Variants in OSBPL10 observed in about 807,000 individuals in gnomAD.
OSBPL10 encodes oxysterol-binding protein-related protein 10.
Under a neutral mutation model 81.7 loss-of-function variants are expected in OSBPL10, and 49 were observed. That is an observed-to-expected ratio of 0.60 (90% CI 0.48 to 0.76). The LOEUF (loss-of-function observed/expected upper bound fraction) is 0.76. Ranked by LOEUF, OSBPL10 falls within the 30% of genes least tolerant of loss-of-function variation. The pLI is 0.00. For synonymous variants in OSBPL10, 419 were observed against 383.6 expected (o/e 1.09, Z -1.08); for missense variants, 923 against 987.8 (o/e 0.93, Z 0.88).
intron 3 of OSBPL10, among the ~76,000 whole-genome samples, chr3:31,831,844 C>T (rs993642734): frequency 6.6e-6 from 1 of 152,172 alleles, no homozygotes; most frequent in Non-Finnish European, 1.5e-5. Context: ...AAACACATCT[C>T]CCCCTGGCTC....
At chr3:31,968,790 T>C (rs1327513688) in intron 1 of OSBPL10, among the ~76,000 whole-genome samples, 1 of 152,148 alleles carries the variant, frequency 6.6e-6, no homozygotes, top group Non-Finnish European at 1.5e-5. Flanking sequence ...ACAACTATAA[T>C]AGTGTTATGA....
intron 4 of OSBPL10, chr3:31,795,088 T>C (rs2124489): frequency 0.61 from 101,289 of 166,566 alleles, 32,730 homozygotes; most frequent in East Asian, 0.78. Flanking sequence ...TGGCCCACCC[T>C]TTCATGAGGG....
At chr3:32,058,930 C>G (rs772900543) in intron 1 of OSBPL10, among the ~76,000 whole-genome samples, 6 of 152,158 alleles carry the variant, frequency 3.9e-5, no homozygotes, top group Non-Finnish European at 8.8e-5. Flanking sequence ...CTCAAGGGAT[C>G]CTCCTGCCTC....
chr3:32,053,893 G>C (rs1309183155), intron 1 of OSBPL10, among the ~76,000 whole-genome samples: 1 of 152,114 alleles, frequency 6.6e-6, no homozygotes, highest in East Asian at 1.9e-4. Context: ...GAACACGGGA[G>C]GCAGACAGAG....
In OSBPL10 at chr3:31,794,289, C is replaced by T. The variant is rs547716976; in HGVS notation, c.729+35751G>A. Among the ~76,000 whole-genome samples, 17 of 152,268 alleles carry T rather than the reference C, an allele frequency of 1.1e-4. No individual in the cohort carries two copies. The South Asian group carries it at 1.5e-3, about 13-fold the overall frequency. On this transcript the variant is annotated intron_variant, in intron 4 of 11. Transcript: ENST00000396556. Reference sequence around the variant, plus strand: ...CTTCCCGAGCAGCTGGGATTACAGGCGCACGCCACCACACCCAGGTAATTT... The same window carrying T: ...CTTCCCGAGCAGCTGGGATTACAGGTGCACGCCACCACACCCAGGTAATTT...
At chr3:31,880,841 T>C (rs1173476444) in intron 1 of OSBPL10, among the ~76,000 whole-genome samples, 5 of 152,262 alleles carry the variant, frequency 3.3e-5, no homozygotes, top group Non-Finnish European at 7.3e-5. Context: ...CATTTGGCTT[T>C]GTTTCAATAT....
At chr3:31,828,485 TC>T (rs1700151741) in intron 4 of OSBPL10, among the ~76,000 whole-genome samples, 1 of 152,186 alleles carries the variant, frequency 6.6e-6, no homozygotes, top group Non-Finnish European at 1.5e-5. Context: ...CTGTGCACAA[TC>T]ATTCATCATA....
At chr3:31,787,849 T>C (rs1382838011) in intron 4 of OSBPL10, among the ~76,000 whole-genome samples, 1 of 152,186 alleles carries the variant, frequency 6.6e-6, no homozygotes, top group African/African-American at 2.4e-5. Context: ...ATGGCATAAA[T>C]ACCCGACAAC....
At chr3:31,720,817 T>C (rs1017560758) in intron 6 of OSBPL10, among the ~76,000 whole-genome samples, 8 of 143,646 alleles carry the variant, frequency 5.6e-5, no homozygotes, top group African/African-American at 8.0e-5. Context: ...TGATAATCAC[T>C]TGAACCTGGA....
chr3:32,026,599 A>T (rs1047957255), intron 2 of OSBPL10, among the ~76,000 whole-genome samples: 1 of 152,216 alleles, frequency 6.6e-6, no homozygotes, highest in Non-Finnish European at 1.5e-5. Context: ...TACCACACAC[A>T]GCAATGGCCG....
intron 1 of OSBPL10, among the ~76,000 whole-genome samples, chr3:32,071,556 C>G (rs1312201837): frequency 6.6e-6 from 1 of 152,212 alleles, no homozygotes; most frequent in African/African-American, 2.4e-5. Flanking sequence ...TTTGTCCAAA[C>G]AACTTGACCT....
intron 1 of OSBPL10, among the ~76,000 whole-genome samples, chr3:31,927,897 C>T (rs1408453276): frequency 2.0e-5 from 3 of 152,182 alleles, no homozygotes; most frequent in Non-Finnish European, 4.4e-5. Context: ...TGGAGCTCTT[C>T]TTCTCCACCC....
rs1697874291 is a variant in OSBPL10 at position 31,755,921 on chromosome 3, C to T, written c.730-7801G>A. 3.3e-5 allele frequency among the ~76,000 whole-genome samples: 5 copies of T among 152,184 alleles called. No homozygotes were observed. In the South Asian group the frequency reaches 1.0e-3, roughly 32 times the overall value. On this transcript the variant is annotated intron_variant, in intron 4 of 11. Coordinates refer to ENST00000396556, the MANE Select transcript of OSBPL10 (RefSeq NM_017784.5). ...AACTGATTCCTTTCTGTCATTTCTT[C>T]ACCTTTGGCTTTTCTACAATCATTG...
intron 4 of OSBPL10, among the ~76,000 whole-genome samples, chr3:31,781,512 G>A (rs1698694778): frequency 1.3e-5 from 2 of 152,164 alleles, no homozygotes; most frequent in South Asian, 4.1e-4. Context: ...TGGTAAAGAG[G>A]AAGTCAAATT....
At position 31,680,418 on chromosome 3, in the gene OSBPL10, G is replaced by C. The variant is rs771788866; in HGVS notation, c.1726+3216C>G. 6.6e-5 allele frequency among the ~76,000 whole-genome samples: 10 copies of C among 152,238 alleles called. No individual in the cohort carries two copies. The Middle Eastern group carries it at 0.01, about 155-fold the overall frequency. ...CAGGTCAGAGATGAGCTGAGAAATG[G>C]CCCCTGACTCAAGGAGACCCCAGCA... On this transcript the variant is annotated intron_variant, in intron 8 of 11. Coordinates refer to ENST00000396556, the MANE Select transcript of OSBPL10 (RefSeq NM_017784.5).
chr3:31,780,444 C>T (rs1457399667), intron 4 of OSBPL10, among the ~76,000 whole-genome samples: 1 of 149,714 alleles, frequency 6.7e-6, no homozygotes, highest in Non-Finnish European at 1.5e-5. Context: ...GAAACCCAAA[C>T]CCAGCAGAAG....
At chr3:31,713,410 AT>A (rs1451638431) in intron 6 of OSBPL10, among the ~76,000 whole-genome samples, 1 of 151,556 alleles carries the variant, frequency 6.6e-6, no homozygotes, top group East Asian at 1.9e-4. Flanking sequence ...TTTATATTTT[AT>A]TTTGTGACAG....
At chr3:31,880,331 C>A (rs948035589) in intron 1 of OSBPL10, among the ~76,000 whole-genome samples, 4 of 152,238 alleles carry the variant, frequency 2.6e-5, no homozygotes, top group Non-Finnish European at 5.9e-5. Context: ...TGTCAGGGAA[C>A]TGGAGGTGCT....
rs146395470 is a variant in OSBPL10 at position 31,910,998 on chromosome 3, C to G, written c.282-31168G>C. 4.7e-3 allele frequency among the ~76,000 whole-genome samples: 715 copies of G among 152,238 alleles called. 3 individuals are homozygous for G. Among genetic ancestry groups the G allele is most frequent in the African/African-American group, 0.016 (683 of 41,534 alleles). ...CCACACCTGGGCTGTTGCTTTGATT[C>G]TTTTCATCTCCACAGCCCAGCCTTT... On this transcript the variant is annotated intron_variant, in intron 1 of 11. Transcript: ENST00000396556.
Sources: allele counts gnomAD v4.1 joint callset (sites outside exome capture counted in the v4.1 genomes callset), GRCh38; gene constraint gnomAD v4.1.1; transcripts MANE v1.5; gene names NCBI Gene and HGNC (gene_info 2026-07-23, HGNC 2026-07-21).